RNF115: variants seen among roughly 807,000 people sequenced by gnomAD.
The protein encoded by RNF115 is E3 ubiquitin-protein ligase RNF115.
A neutral mutation model predicts 39.2 loss-of-function variants in RNF115; 31 were observed. That is an observed-to-expected ratio of 0.79 (90% CI 0.59 to 1.07). RNF115 has a LOEUF of 1.07. RNF115 is among the 50% of genes least tolerant of loss of function. RNF115 has a pLI of 0.00. For synonymous variants in RNF115, 124 were observed against 131.0 expected, an observed-to-expected ratio of 0.95 and a Z score of 0.37; for missense variants, 384 against 381.7, an observed-to-expected ratio of 1.01 and a Z score of -0.05.
At chr1:145,807,965 A>G (rs1553721856) in intron 1 of RNF115, among the ~76,000 whole-genome samples, 1 of 152,140 alleles carries the variant, frequency 6.6e-6, no homozygotes, top group Non-Finnish European at 1.5e-5. Flanking sequence ...TGCCTGGCTT[A>G]TCTCACTTAA....
intron 4 of RNF115, among the ~76,000 whole-genome samples, chr1:145,766,126 G>A (rs1647256078): frequency 6.6e-6 from 1 of 152,120 alleles, no homozygotes; most frequent in Non-Finnish European, 1.5e-5. Context: ...GTTTTCCTAG[G>A]CAGAGGACCC....
chr1:145,778,480 T>C (rs941405671), intron 3 of RNF115, among the ~76,000 whole-genome samples: 9 of 152,208 alleles, frequency 5.9e-5, no homozygotes. Flanking sequence ...TTACGTAGTA[T>C]ATGAATTATA....
At chr1:145,764,113 G>C (rs942352202) in intron 4 of RNF115, among the ~76,000 whole-genome samples, 4 of 152,208 alleles carry the variant, frequency 2.6e-5, no homozygotes, top group Non-Finnish European at 5.9e-5. Flanking sequence ...ACTGGGTTTC[G>C]CTGTGTTGGC....
At position 145,745,138 on chromosome 1, in the gene RNF115, T is replaced by C. The variant is rs909544090; in HGVS notation, c.*1728A>G. 1 of 152,338 alleles carries C rather than the reference T, an allele frequency of 6.6e-6. No homozygotes were observed. The highest frequency in any genetic ancestry group is 3.4e-3 in the Middle Eastern group (1 of 294). The allele number at this position is 152,338 out of a possible 1,614,324, so 9.4% of individuals were successfully genotyped here. A position where few individuals can be genotyped will look rare whatever the true frequency, so the allele number is the denominator to read the frequency against. On this transcript the variant is annotated 3_prime_UTR_variant, in exon 9 of 9. Transcript: ENST00000582693. ...TGGCTGCAGACACTTACTGTCTCTA[T>C]TTCTGTGAGGCAAATTATTTTAAGA... is the stretch of plus-strand genomic sequence containing the variant.
intron 1 of RNF115, among the ~76,000 whole-genome samples, chr1:145,792,749 A>C (rs1648734864): frequency 6.6e-6 from 1 of 152,206 alleles, no homozygotes; most frequent in African/African-American, 2.4e-5. Context: ...GGAGGTTGGA[A>C]GGGAATGGTA....
intron 3 of RNF115, among the ~76,000 whole-genome samples, chr1:145,779,612 A>G (rs1394163984): frequency 2.0e-5 from 3 of 152,162 alleles, no homozygotes; most frequent in Non-Finnish European, 4.4e-5. Flanking sequence ...AGAAATGAGA[A>G]GTATTTTGCT....
Position 145,777,820 on chromosome 1 carries a change from C to T in RNF115, c.220-5901G>A, listed in dbSNP as rs78813336. On this transcript the variant is annotated intron_variant, in intron 3 of 8. Transcript: ENST00000582693. ...TATTTCTGAAAATATTTGGGGTGAA[C>T]TATTTACACATTCAAAATAAAAAAC... Among the ~76,000 whole-genome samples the T allele has an allele frequency of 9.9e-5, 15 of 152,220 alleles. No individual in the cohort carries two copies. The East Asian group carries it at 2.9e-3, about 29-fold the overall frequency.
At chr1:145,811,365 A>AG (rs1422999624) in intron 1 of RNF115, among the ~76,000 whole-genome samples, 2 of 148,068 alleles carry the variant, frequency 1.4e-5, no homozygotes, top group Non-Finnish European at 3.0e-5. Flanking sequence ...CAAAAAAAAA[A>AG]AAAAAAAAAA....
At chr1:145,747,908 A>C in intron 8 of RNF115, 87 bp downstream of exon 8, 3 of 924,700 alleles carry the variant, frequency 3.2e-6, no homozygotes, top group Non-Finnish European at 5.3e-6. Context: ...ATGGGATAAA[A>C]TCTGATCTAC....
At position 145,743,383 on chromosome 1, in the gene RNF115, C is replaced by T. The variant is rs1287318821; in HGVS notation, c.*3483G>A. On this transcript the variant is annotated 3_prime_UTR_variant, in exon 9 of 9. Coordinates refer to ENST00000582693, the MANE Select transcript of RNF115 (RefSeq NM_014455.4). ...AGCTCTTCTAGGGTATCCAAGCTGGCCTTCAGACTGGAACTACACCATCAG... is the reference window on the plus strand; with the variant it reads ...AGCTCTTCTAGGGTATCCAAGCTGGTCTTCAGACTGGAACTACACCATCAG... 2 of 152,210 alleles carry T rather than the reference C, an allele frequency of 1.3e-5. No individual in the cohort carries two copies. The highest frequency in any genetic ancestry group is 2.9e-5 in the Non-Finnish European group (2 of 68,100). The allele number at this position is 152,210 out of a possible 1,614,324, so 9.4% of individuals were successfully genotyped here.
intron 1 of RNF115, among the ~76,000 whole-genome samples, chr1:145,811,376 GAAAA>G (rs1161322682): frequency 7.3e-6 from 1 of 137,488 alleles, no homozygotes; most frequent in Non-Finnish European, 1.6e-5. Flanking sequence ...AAAAAAAAAA[GAAAA>G]AAGAAGAAGA....
In RNF115 at chr1:145,742,934, A is replaced by G. The variant is rs1346650987; in HGVS notation, c.*3932T>C. ...GTAATCCCAGCACTTTGGGAGGCCG[A>G]GGCGGGTGGTCACTTGAGGTCAGGA... On this transcript the variant is annotated 3_prime_UTR_variant, in exon 9 of 9. Transcript: ENST00000582693. The G allele has an allele frequency of 4.6e-5, 7 of 151,732 alleles. No individual in the cohort carries two copies. Among genetic ancestry groups the G allele is most frequent in the African/African-American group, 1.7e-4 (7 of 41,280 alleles). 9.4% of individuals were successfully genotyped at this position (151,732 alleles called of 1,614,324 possible). A position where few individuals can be genotyped will look rare whatever the true frequency, so the allele number is the denominator to read the frequency against.
At chr1:145,789,113 T>A (rs1310046992) in intron 1 of RNF115, 147 bp from the exon 2 acceptor site, 1 of 580,670 alleles carries the variant, frequency 1.7e-6, no homozygotes, top group African/African-American at 1.9e-5. Flanking sequence ...TTTTTTTTTT[T>A]CTTTTGTGAG....
chr1:145,812,702 G>T (rs1649789370), intron 1 of RNF115, among the ~76,000 whole-genome samples: 1 of 151,326 alleles, frequency 6.6e-6, no homozygotes, highest in African/African-American at 2.4e-5. Flanking sequence ...GTCTGTTTTG[G>T]GAAAAGAGTC....
intron 4 of RNF115, among the ~76,000 whole-genome samples, chr1:145,759,284 C>T (rs1208531753): frequency 2.6e-5 from 4 of 152,166 alleles, no homozygotes. Context: ...ATATTATCTC[C>T]AGCCAAGACC....
At chr1:145,747,018 T>A in intron 8 of RNF115, 21 bp from the exon 9 acceptor site, 1 of 1,602,040 alleles carries the variant, frequency 6.2e-7, no homozygotes, top group African/African-American at 1.3e-5. Context: ...AAAATATTAG[T>A]CTATGTGAAG....
At chr1:145,795,392 T>C (rs914077441) in intron 1 of RNF115, among the ~76,000 whole-genome samples, 2 of 152,114 alleles carry the variant, frequency 1.3e-5, no homozygotes, top group Non-Finnish European at 2.9e-5. Context: ...TACGGCCAGC[T>C]TTTATTCCCT....
chr1:145,815,512 A>G (rs1379855890), intron 1 of RNF115, among the ~76,000 whole-genome samples: 1 of 152,272 alleles, frequency 6.6e-6, no homozygotes, highest in Non-Finnish European at 1.5e-5. Context: ...CCTTGATTTA[A>G]TGGGGAAAGA....
At chr1:145,806,542 A>T (rs1649470994) in intron 1 of RNF115, among the ~76,000 whole-genome samples, 1 of 152,034 alleles carries the variant, frequency 6.6e-6, no homozygotes, top group Non-Finnish European at 1.5e-5. Flanking sequence ...TTTGATCCCC[A>T]ATGTTGGAGG....
Sources: allele counts gnomAD v4.1 joint callset (sites outside exome capture counted in the v4.1 genomes callset), GRCh38; gene constraint gnomAD v4.1.1; transcripts MANE v1.5; gene names NCBI Gene and HGNC (gene_info 2026-07-23, HGNC 2026-07-21).